IL1RAPL1: variants seen among roughly 807,000 people sequenced by gnomAD.
IL1RAPL1 encodes interleukin-1 receptor accessory protein-like 1.
Under a neutral mutation model 48.4 loss-of-function variants are expected in IL1RAPL1, and 3 were observed. That is an observed-to-expected ratio of 0.06 (90% CI 0.03 to 0.16). The LOEUF is 0.16. Among genes scored for constraint, IL1RAPL1 ranks in the 10% least tolerant of loss-of-function variants. The pLI, the probability that IL1RAPL1 is intolerant of heterozygous loss-of-function variation, is 1.00. For missense variants in IL1RAPL1, 349 were observed against 530.6 expected (o/e 0.66, Z 3.36); for synonymous variants, 185 against 187.7 (o/e 0.99, Z 0.12).
intron 2 of IL1RAPL1, among the ~76,000 whole-genome samples, chrX:28,831,101 A>G (rs989020239): frequency 3.4e-5 from 3 of 87,150 alleles, no homozygotes; most frequent in Non-Finnish European, 6.6e-5. Context: ...CACATTTTCA[A>G]TATTCTGGCA....
intron 1 of IL1RAPL1, among the ~76,000 whole-genome samples, chrX:28,618,447 G>A (rs1037566092): frequency 8.9e-6 from 1 of 112,183 alleles, no homozygotes. Context: ...TTATAGTGCA[G>A]TAATACATAT....
At position 29,658,005 on chromosome X, in the gene IL1RAPL1, C is replaced by T. The variant is rs887642960; in HGVS notation, c.704-10425C>T. 3.6e-5 allele frequency among the ~76,000 whole-genome samples: 4 copies of T among 111,083 alleles called. No individual in the cohort carries two copies. In the South Asian group the frequency reaches 1.1e-3, roughly 31 times the overall value. On this transcript the variant is annotated intron_variant, in intron 5 of 10. Transcript: ENST00000378993. ...CTCACCATTTTTTCTTTAGCATTAA[C>T]TATACACAAATTTATTTAAAATGGC...
chrX:28,893,856 G>A (rs1922836847), intron 2 of IL1RAPL1, among the ~76,000 whole-genome samples: 1 of 111,662 alleles, frequency 9.0e-6, no homozygotes, highest in Non-Finnish European at 1.9e-5. Context: ...AGAACCATTT[G>A]CCTTGTGTGG....
chrX:29,488,115 A>G (rs770606985), intron 5 of IL1RAPL1, among the ~76,000 whole-genome samples: 6 of 112,097 alleles, frequency 5.4e-5, no homozygotes, highest in Non-Finnish European at 9.4e-5. Context: ...ACATCAGAGT[A>G]TAGGCCTTAC....
intron 5 of IL1RAPL1, among the ~76,000 whole-genome samples, chrX:29,407,934 A>G (rs974262507): frequency 3.6e-5 from 4 of 112,322 alleles, no homozygotes; most frequent in African/African-American, 9.7e-5. Context: ...ACAATTTTCT[A>G]TACTTCCATA....
chrX:29,661,770 C>T (rs746142678), intron 5 of IL1RAPL1, among the ~76,000 whole-genome samples: 17 of 111,824 alleles, frequency 1.5e-4, no homozygotes, highest in Non-Finnish European at 2.8e-4. Flanking sequence ...GGATCATGCC[C>T]CTTAACTCAT....
rs1438005136 is a variant in IL1RAPL1 at position 29,286,566 on chromosome X, A to G, written c.362+3349A>G. Reference sequence around the variant, plus strand: ...TAGCCTGGTGTGGTGGTGTGCACCTATAGTCCTAGCTACTCAGGAGGATAA... The same window carrying G: ...TAGCCTGGTGTGGTGGTGTGCACCTGTAGTCCTAGCTACTCAGGAGGATAA... On this transcript the variant is annotated intron_variant, in intron 3 of 10. Transcript: ENST00000378993. Among the ~76,000 whole-genome samples the G allele has an allele frequency of 6.3e-5, 7 of 110,973 alleles. No homozygotes were observed. In the Admixed American group the frequency reaches 6.7e-4, roughly 11 times the overall value.
chrX:29,263,035 C>T (rs1012535806), intron 2 of IL1RAPL1, among the ~76,000 whole-genome samples: 11 of 111,294 alleles, frequency 9.9e-5, no homozygotes, highest in Non-Finnish European at 5.7e-5. Flanking sequence ...TATTTTTTTT[C>T]TACCAGATGC....
At chrX:29,898,394 C>T (rs35327357) in intron 6 of IL1RAPL1, among the ~76,000 whole-genome samples, 3,560 of 111,904 alleles carry the variant, frequency 0.032, 110 homozygotes, top group Admixed American at 0.14. Context: ...TCAGAATGCG[C>T]ATCGTATCAG....
intron 2 of IL1RAPL1, among the ~76,000 whole-genome samples, chrX:29,041,779 T>C (rs959872696): frequency 7.1e-5 from 8 of 112,305 alleles, no homozygotes; most frequent in African/African-American, 2.6e-4. Flanking sequence ...ATGATAACAG[T>C]ATGTTTCCAG....
At chrX:29,366,186 A>G (rs761121575) in intron 3 of IL1RAPL1, among the ~76,000 whole-genome samples, 1 of 111,674 alleles carries the variant, frequency 9.0e-6, no homozygotes, top group African/African-American at 3.2e-5. Flanking sequence ...TTCCAACTTC[A>G]TAATATTATA....
At position 29,802,999 on chromosome X, in the gene IL1RAPL1, A is replaced by ATATATGTG. The variant is rs1569173343; in HGVS notation, c.779-114464_779-114463insATATGTGT. Among the ~76,000 whole-genome samples, 143 of 55,974 alleles carry ATATATGTG rather than the reference A, an allele frequency of 2.6e-3. 3 individuals carry two copies. The highest frequency in any genetic ancestry group is 0.012 in the African/African-American group (133 of 11,483). 48.6% of individuals were successfully genotyped at this position (55,974 alleles called of 115,157 possible). A position where few individuals can be genotyped will look rare whatever the true frequency, so the allele number is the denominator to read the frequency against. ...TACATACATGTGTACATATATATGTATGCATATATACATATGTGTACATAT... is the reference window on the plus strand; with the variant it reads ...TACATACATGTGTACATATATATGTATATATGTGTGCATATATACATATGTGTACATAT... On this transcript the variant is annotated intron_variant, in intron 6 of 10. Coordinates refer to ENST00000378993, the MANE Select transcript of IL1RAPL1 (RefSeq NM_014271.4).
At chrX:29,296,018 T>A (rs1932444504) in intron 3 of IL1RAPL1, among the ~76,000 whole-genome samples, 2 of 111,752 alleles carry the variant, frequency 1.8e-5, no homozygotes, top group African/African-American at 3.3e-5. Context: ...AAGCCTAAGA[T>A]AGGGATTCCT....
intron 2 of IL1RAPL1, among the ~76,000 whole-genome samples, chrX:28,925,473 A>C (rs1923717660): frequency 1.8e-5 from 2 of 111,582 alleles, no homozygotes; most frequent in Admixed American, 1.9e-4. Context: ...ATCAGGCTTT[A>C]AGGTGAATTT....
intron 5 of IL1RAPL1, among the ~76,000 whole-genome samples, chrX:29,469,316 G>A (rs374515802): frequency 8.9e-6 from 1 of 111,979 alleles, no homozygotes; most frequent in African/African-American, 3.2e-5. Context: ...GACTTTGCTG[G>A]ATGAACGAAG....
chrX:29,639,548 T>G (rs112112737), intron 5 of IL1RAPL1, among the ~76,000 whole-genome samples: 5 of 66,893 alleles, frequency 7.5e-5, no homozygotes, highest in African/African-American at 2.4e-4. Flanking sequence ...ATTAAAAGTT[T>G]TTTTTTTTTT....
chrX:29,190,633 T>C (rs1416528570), intron 2 of IL1RAPL1, among the ~76,000 whole-genome samples: 1 of 112,562 alleles, frequency 8.9e-6, no homozygotes, highest in Non-Finnish European at 1.9e-5. Context: ...CTGAGAAGGC[T>C]GACAGATTCC....
chrX:29,573,267 A>G (rs1922650925), intron 5 of IL1RAPL1, among the ~76,000 whole-genome samples: 1 of 112,600 alleles, frequency 8.9e-6, no homozygotes, highest in African/African-American at 3.2e-5. Context: ...TCATTGAGGG[A>G]CACAACATTC....
chrX:29,522,476 G>C (rs1935512820), intron 5 of IL1RAPL1, among the ~76,000 whole-genome samples: 1 of 111,891 alleles, frequency 8.9e-6, no homozygotes, highest in African/African-American at 3.2e-5. Flanking sequence ...CATTCATTTA[G>C]ACTTGCAGTC....
Sources: gnomAD v4.1 joint callset for allele counts (sites outside exome capture counted in the v4.1 genomes callset) on GRCh38, gnomAD v4.1.1 for gene constraint, MANE v1.5 for transcripts, NCBI Gene and HGNC (gene_info 2026-07-23, HGNC 2026-07-21) for gene names.